Variants in SLC41A2 observed in about 807,000 individuals in gnomAD.
The protein encoded by SLC41A2 is SLC41A1-like 1.
In SLC41A2, 32 loss-of-function variants were observed where a neutral mutation model predicts 58.3. The ratio of observed to expected loss-of-function variants is 0.55; its 90% CI spans 0.41 to 0.74. The LOEUF (loss-of-function observed/expected upper bound fraction) is 0.74, where lower values mean the gene tolerates loss of function less well. Ranked by LOEUF, SLC41A2 falls within the 30% of genes least tolerant of loss-of-function variation. The probability of loss-of-function intolerance (pLI) is 0.00; values close to 1 mark genes in which losing one functional copy is unlikely to be tolerated. For synonymous variants in SLC41A2, 190 were observed against 235.0 expected (o/e 0.81, Z 1.75); for missense variants, 514 against 680.6 (o/e 0.76, Z 2.72).
intron 6 of SLC41A2, among the ~76,000 whole-genome samples, chr12:104,870,824 A>G (rs578166285): frequency 1.2e-4 from 18 of 152,190 alleles, no homozygotes; most frequent in Non-Finnish European, 2.1e-4. Context: ...AGCTGTTTCT[A>G]TGTAAACAAC....
chr12:104,881,856 G>T (rs2044386416), intron 6 of SLC41A2, among the ~76,000 whole-genome samples: 4 of 152,106 alleles, frequency 2.6e-5, no homozygotes. Context: ...CTGAGTTCAA[G>T]TCCTGGATAT....
At chr12:104,815,199 C>G (rs1273217562) in intron 10 of SLC41A2, among the ~76,000 whole-genome samples, 1 of 152,130 alleles carries the variant, frequency 6.6e-6, no homozygotes, top group African/African-American at 2.4e-5. Context: ...ATTAAAATGA[C>G]AATAAGTAGC....
chr12:104,825,911 A>C (rs1261173625), intron 10 of SLC41A2, among the ~76,000 whole-genome samples: 1 of 152,202 alleles, frequency 6.6e-6, no homozygotes, highest in Non-Finnish European at 1.5e-5. Flanking sequence ...CATAGGTGAC[A>C]GCGTTTAATT....
intron 1 of SLC41A2, among the ~76,000 whole-genome samples, chr12:104,934,112 T>C (rs2135914890): frequency 6.6e-6 from 1 of 152,268 alleles, no homozygotes; most frequent in Admixed American, 6.5e-5. Context: ...AAAATGGGCA[T>C]TGTGCATATA....
chr12:104,805,430 G>A (rs938754212), intron 10 of SLC41A2, 93 bp from the exon 11 acceptor site: 1 of 947,692 alleles, frequency 1.1e-6, no homozygotes, highest in Non-Finnish European at 1.5e-6. Context: ...TTCTGGAAGG[G>A]ACCGTATGTG....
chr12:104,893,067 C>T (rs901315171), intron 4 of SLC41A2, among the ~76,000 whole-genome samples: 4 of 151,952 alleles, frequency 2.6e-5, no homozygotes, highest in African/African-American at 9.7e-5. Flanking sequence ...AAGAGACAAC[C>T]CACAGAATGG....
At chr12:104,875,144 T>G (rs2043984896) in intron 6 of SLC41A2, among the ~76,000 whole-genome samples, 1 of 152,226 alleles carries the variant, frequency 6.6e-6, no homozygotes, top group Non-Finnish European at 1.5e-5. Context: ...CTTGCATCCC[T>G]GGGATGAATC....
At chr12:104,857,739 G>T (rs938823821) in intron 8 of SLC41A2, among the ~76,000 whole-genome samples, 9 of 151,196 alleles carry the variant, frequency 6.0e-5, no homozygotes, top group African/African-American at 2.2e-4. Flanking sequence ...ATCATTCTCA[G>T]CAAACTATCG....
chr12:104,852,881 T>A (rs1213111238), intron 8 of SLC41A2, among the ~76,000 whole-genome samples: 1 of 152,204 alleles, frequency 6.6e-6, no homozygotes, highest in African/African-American at 2.4e-5. Context: ...ACATACACTA[T>A]GTTTCTACTA....
At chr12:104,935,979 G>T (rs34876561) in intron 1 of SLC41A2, among the ~76,000 whole-genome samples, 1 of 151,666 alleles carries the variant, frequency 6.6e-6, no homozygotes, top group Non-Finnish European at 1.5e-5. Flanking sequence ...GGAGGCAGAG[G>T]TTGCAGTGAG....
chr12:104,899,079 T>C (rs1460365562), intron 3 of SLC41A2, among the ~76,000 whole-genome samples: 1 of 152,224 alleles, frequency 6.6e-6, no homozygotes, highest in Non-Finnish European at 1.5e-5. Flanking sequence ...ATGGTGGGAA[T>C]GCAAAATGGT....
At chr12:104,869,297 A>C (rs1034769443) in intron 6 of SLC41A2, among the ~76,000 whole-genome samples, 2 of 152,212 alleles carry the variant, frequency 1.3e-5, no homozygotes, top group Non-Finnish European at 2.9e-5. Context: ...TGTGAATTAC[A>C]TCCAATTTTT....
intron 8 of SLC41A2, among the ~76,000 whole-genome samples, chr12:104,849,120 A>G (rs2042712986): frequency 6.6e-6 from 1 of 152,218 alleles, no homozygotes. Flanking sequence ...TTGCAAGATG[A>G]TAACGAATGG....
In SLC41A2 at chr12:104,886,959, C is replaced by T. The variant is rs935191217; in HGVS notation, c.881-520G>A. 5.9e-5 allele frequency among the ~76,000 whole-genome samples: 9 copies of T among 152,012 alleles called. No homozygotes were observed. In the East Asian group the frequency reaches 7.7e-4, roughly 13 times the overall value. ...AGCAGGACATAATTAAATTTTAAAA[C>T]ACTGAAGGCCAGAATACAAGAAACA... On this transcript the variant is annotated intron_variant, in intron 5 of 10. Transcript: ENST00000258538.
At chr12:104,856,285 C>G (rs1026421417) in intron 8 of SLC41A2, among the ~76,000 whole-genome samples, 1 of 151,830 alleles carries the variant, frequency 6.6e-6, no homozygotes, top group African/African-American at 2.4e-5. Context: ...TTCAGAGAAG[C>G]GATGAGAATG....
chr12:104,939,540 T>C (rs966231933), intron 1 of SLC41A2, among the ~76,000 whole-genome samples: 3 of 152,148 alleles, frequency 2.0e-5, no homozygotes, highest in Non-Finnish European at 4.4e-5. Flanking sequence ...GAAAACAAAG[T>C]ATATTGTATG....
chr12:104,925,484 G>C (rs2046797607), intron 2 of SLC41A2, among the ~76,000 whole-genome samples: 1 of 152,140 alleles, frequency 6.6e-6, no homozygotes, highest in South Asian at 2.1e-4. Context: ...TATGAACCCG[G>C]GAGGCGGAGT....
chr12:104,821,321 G>A (rs2041628547), intron 10 of SLC41A2, among the ~76,000 whole-genome samples: 1 of 152,022 alleles, frequency 6.6e-6, no homozygotes, highest in Non-Finnish European at 1.5e-5. Flanking sequence ...AGGAGTCCAT[G>A]ACATAAAATG....
intron 9 of SLC41A2, among the ~76,000 whole-genome samples, chr12:104,845,507 T>C (rs2042569813): frequency 6.6e-6 from 1 of 152,148 alleles, no homozygotes; most frequent in Non-Finnish European, 1.5e-5. Flanking sequence ...ATGCCTACAT[T>C]TAGAAAGGCC....
Sources: gnomAD v4.1 joint callset for allele counts (sites outside exome capture counted in the v4.1 genomes callset) on GRCh38, gnomAD v4.1.1 for gene constraint, MANE v1.5 for transcripts, NCBI Gene and HGNC (gene_info 2026-07-23, HGNC 2026-07-21) for gene names.